The following SERINC5 variants were observed in gnomAD, a reference collection of about 807,000 sequenced individuals.
SERINC5 encodes chromosome 5 open reading frame 12.
In SERINC5, 41 loss-of-function variants were observed where a neutral mutation model predicts 63.1. The observed-to-expected ratio is 0.65, with a 90% CI of 0.51 to 0.84. SERINC5 has a LOEUF of 0.84. SERINC5 is among the 40% of genes least tolerant of loss of function. The probability of loss-of-function intolerance (pLI) is 0.00; values close to 1 mark genes in which losing one functional copy is unlikely to be tolerated. For missense variants in SERINC5, 523 were observed against 573.0 expected (o/e 0.91, Z 0.89); for synonymous variants, 222 against 215.2 (o/e 1.03, Z -0.28).
chr5:80,113,481 C>T (rs986928128), intron 12 of SERINC5: 2 of 159,886 alleles, frequency 1.3e-5, no homozygotes, highest in South Asian at 3.4e-4. Context: ...GGATGGGGAA[C>T]GAGGGGATAT....
At chr5:80,175,301 A>C (rs570709703) in intron 4 of SERINC5, among the ~76,000 whole-genome samples, 20 of 152,286 alleles carry the variant, frequency 1.3e-4, no homozygotes, top group African/African-American at 4.8e-4. Flanking sequence ...TCTGACCCTG[A>C]AATATCCAAG....
At chr5:80,130,385 A>C (rs574350435) in intron 11 of SERINC5, among the ~76,000 whole-genome samples, 1 of 152,248 alleles carries the variant, frequency 6.6e-6, no homozygotes, top group Admixed American at 6.5e-5. Context: ...ATCTCAAAAA[A>C]AAAAAAGAAG....
At chr5:80,206,931 C>T (rs1289385725) in intron 1 of SERINC5, among the ~76,000 whole-genome samples, 1 of 151,298 alleles carries the variant, frequency 6.6e-6, no homozygotes, top group Non-Finnish European at 1.5e-5. Context: ...GCACAGGACA[C>T]CATGATACCA....
chr5:80,138,671 T>C, downstream of SERINC5: 3 of 261,674 alleles, frequency 1.1e-5, 1 homozygote, highest in Non-Finnish European at 1.8e-5. Context: ...GTAATGCATA[T>C]GCTAATTAGC....
chr5:80,141,343 T>C lies in SERINC5; in HGVS notation c.*2320A>G. ...CCAGAAGGAAGCGACGAGGGCCTTC[T>C]ACCGGCCACACTCCCTTGCTTGGGC... On this transcript the variant is annotated 3_prime_UTR_variant, in exon 12 of 12. Coordinates refer to ENST00000507668, the MANE Select transcript of SERINC5 (RefSeq NM_001174072.3). 1 of 985,474 alleles carries C rather than the reference T, an allele frequency of 1.0e-6. No homozygotes were observed. The highest frequency in any genetic ancestry group is 1.2e-6 in the Non-Finnish European group (1 of 829,946). 61.0% of individuals were successfully genotyped at this position (985,474 alleles called of 1,614,324 possible).
At chr5:80,242,534 G>A (rs967097084) in intron 1 of SERINC5, among the ~76,000 whole-genome samples, 20 of 152,054 alleles carry the variant, frequency 1.3e-4, no homozygotes, top group Non-Finnish European at 2.6e-4. Context: ...GGTGGATCAC[G>A]AGGTCAAGAG....
chr5:80,247,434 A>T (rs1752214220), intron 1 of SERINC5, among the ~76,000 whole-genome samples: 1 of 152,200 alleles, frequency 6.6e-6, no homozygotes, highest in Non-Finnish European at 1.5e-5. Context: ...CAGAGAGATG[A>T]GTCAGAGGCT....
chr5:80,229,021 CTTTTTTTTTTTTTTTTTTTTTT>C (rs1166636996), intron 1 of SERINC5, among the ~76,000 whole-genome samples: 4 of 86,080 alleles, frequency 4.6e-5, no homozygotes, highest in South Asian at 8.2e-4. Flanking sequence ...TTTTACATAC[CTTTTTTTTTTTTTTTTTTTTTT>C]TTTTTTTGGG....
At chr5:80,168,219 C>T (rs1404544383) in intron 6 of SERINC5, among the ~76,000 whole-genome samples, 3 of 150,078 alleles carry the variant, frequency 2.0e-5, no homozygotes, top group Non-Finnish European at 4.4e-5. Context: ...TTTTTCGACA[C>T]AGAGTCTCAC....
Position 80,141,765 on chromosome 5 carries a change from C to G in SERINC5, c.*1898G>C. 1 of 985,410 alleles carries G rather than the reference C, an allele frequency of 1.0e-6. No individual in the cohort carries two copies. Among genetic ancestry groups the G allele is most frequent in the Non-Finnish European group, 1.2e-6 (1 of 829,944 alleles). 61.0% of individuals were successfully genotyped at this position (985,410 alleles called of 1,614,324 possible). On this transcript the variant is annotated 3_prime_UTR_variant, in exon 12 of 12. Transcript: ENST00000507668. ...TTTCATTTTGCGACTCCAGATGAAT[C>G]TTTTAACTGCTGAGTACAGAGCTCC...
chr5:80,164,910 G>GTT (rs70982026), intron 7 of SERINC5, among the ~76,000 whole-genome samples: 952 of 85,256 alleles, frequency 0.011, 10 homozygotes, highest in East Asian at 0.02. Context: ...CTTTTTTTCT[G>GTT]TTTTTTTTTT....
chr5:80,148,736 A>G (rs781495744), intron 9 of SERINC5, among the ~76,000 whole-genome samples: 22 of 152,126 alleles, frequency 1.4e-4, no homozygotes, highest in Non-Finnish European at 2.2e-4. Flanking sequence ...GTACTAAGAC[A>G]GCCTGGGAAG....
At chr5:80,199,701 A>G (rs2112481685) in intron 2 of SERINC5, among the ~76,000 whole-genome samples, 1 of 152,170 alleles carries the variant, frequency 6.6e-6, no homozygotes, top group African/African-American at 2.4e-5. Flanking sequence ...TAAATTCACC[A>G]CTGTGGGATA....
At chr5:80,222,549 GGTGAGTGT>G (rs755000713) in intron 1 of SERINC5, among the ~76,000 whole-genome samples, 7,991 of 128,402 alleles carry the variant, frequency 0.062, 260 homozygotes, top group Non-Finnish European at 0.093. Context: ...GTTTTTTGTG[GGTGAGTGT>G]GTGAGTGTGT....
intron 2 of SERINC5, among the ~76,000 whole-genome samples, chr5:80,190,324 G>A (rs1580140213): frequency 6.6e-6 from 1 of 152,102 alleles, no homozygotes; most frequent in East Asian, 1.9e-4. Context: ...TGTTGCCCAG[G>A]CTGGTCTCGA....
chr5:80,162,909 CG>C lies in SERINC5; in HGVS notation c.859+3473del, dbSNP rs1561382899. Among the ~76,000 whole-genome samples, 54 of 151,264 alleles carry C rather than the reference CG, an allele frequency of 3.6e-4. 1 individual carries two copies. The highest frequency in any genetic ancestry group is 1.3e-3 in the African/African-American group (52 of 41,172). ...GCTGGGGTGCAGGGGTGCTGTAGTG[CG>C]ATCTTGGCTAGTGAGCCAAGATCCC... On this transcript the variant is annotated intron_variant, in intron 7 of 11. Transcript: ENST00000507668.
chr5:80,178,476 C>T (rs1460827013), intron 2 of SERINC5, among the ~76,000 whole-genome samples: 1 of 149,740 alleles, frequency 6.7e-6, no homozygotes, highest in African/African-American at 2.5e-5. Flanking sequence ...AATCTTCCTG[C>T]CTCAGCCTCC....
At chr5:80,129,046 C>G (rs1580027430) in intron 11 of SERINC5, 1 of 152,294 alleles carries the variant, frequency 6.6e-6, no homozygotes, top group East Asian at 1.9e-4. Flanking sequence ...CACTGATTGT[C>G]CAGCTTAGAT....
chr5:80,248,686 G>T (rs908559016), intron 1 of SERINC5, among the ~76,000 whole-genome samples: 1 of 152,100 alleles, frequency 6.6e-6, no homozygotes, highest in Non-Finnish European at 1.5e-5. Flanking sequence ...AAGATGAACA[G>T]GAAAATAAAA....
Sources: allele counts gnomAD v4.1 joint callset (sites outside exome capture counted in the v4.1 genomes callset), GRCh38; gene constraint gnomAD v4.1.1; transcripts MANE v1.5; gene names NCBI Gene and HGNC (gene_info 2026-07-23, HGNC 2026-07-21).